LRRK1: variants seen among roughly 807,000 people sequenced by gnomAD.
The protein encoded by LRRK1 is leucine-rich repeat serine/threonine-protein kinase 1.
A neutral mutation model predicts 209.1 loss-of-function variants in LRRK1; 113 were observed. That is an observed-to-expected ratio of 0.54 (90% confidence interval 0.46 to 0.63). The LOEUF is 0.63. LRRK1 is among the 30% of genes least tolerant of loss of function. The pLI, the probability that LRRK1 is intolerant of heterozygous loss-of-function variation, is 0.00. For missense variants in LRRK1, 2,284 were observed against 2,632.2 expected (o/e 0.87, Z 2.89); for synonymous variants, 1,144 against 1,099.7 (o/e 1.04, Z -0.80).
intron 20 of LRRK1, 64 bp downstream of exon 20, chr15:101,029,296 T>G: frequency 6.8e-7 from 1 of 1,477,032 alleles, no homozygotes. Flanking sequence ...AGTTGGGGTC[T>G]GGAGCCACTG....
chr15:101,043,295 C>G (rs1020309991), intron 20 of LRRK1, among the ~76,000 whole-genome samples: 1 of 152,212 alleles, frequency 6.6e-6, no homozygotes, highest in Non-Finnish European at 1.5e-5. Flanking sequence ...CCACCCACCT[C>G]CCACTAGGTA....
At position 101,022,164 on chromosome 15, in the gene LRRK1, C is replaced by A. The variant is rs2033824093; in HGVS notation, c.1852+207C>A. Among the ~76,000 whole-genome samples, 1 of 152,148 alleles carries A rather than the reference C, an allele frequency of 6.6e-6. No homozygotes were observed. Among genetic ancestry groups the A allele is most frequent in the Admixed American group, 6.5e-5 (1 of 15,286 alleles). On this transcript the variant is annotated intron_variant, in intron 14 of 33. Coordinates refer to ENST00000388948, the MANE Select transcript of LRRK1 (RefSeq NM_024652.6). This position sits in a 1 kb window ranked among gnomAD's most constrained non-coding sequence, Gnocchi z 4.0. ...GAAGGACCAGGTGATACAACTGTGA[C>A]CTCCTGGGCAGCAAGGATTTTGTCC...
rs933766267 is a variant in LRRK1 at position 100,929,398 on chromosome 15, A to G, written c.97+4669A>G. 4.6e-5 allele frequency among the ~76,000 whole-genome samples: 7 copies of G among 152,188 alleles called. No individual in the cohort carries two copies. The East Asian group carries it at 7.7e-4, about 17-fold the overall frequency. On this transcript the variant is annotated intron_variant, in intron 2 of 33. Coordinates refer to ENST00000388948, the MANE Select transcript of LRRK1 (RefSeq NM_024652.6). ...ACCAAAGGAGGAGAAGGAACATTCC[A>G]GAAGTTCTTCAAATCCCAGGTTGTT... is the stretch of plus-strand genomic sequence containing the variant.
chr15:101,055,635 A>T (rs759327895), intron 27 of LRRK1, among the ~76,000 whole-genome samples: 3 of 152,196 alleles, frequency 2.0e-5, no homozygotes, highest in Non-Finnish European at 2.9e-5. Context: ...CTTGGCCTTA[A>T]GTCCCGGCCA....
At chr15:100,970,860 C>G (rs2030819656) in intron 2 of LRRK1, among the ~76,000 whole-genome samples, 1 of 152,104 alleles carries the variant, frequency 6.6e-6, no homozygotes. Flanking sequence ...TTTCTCTCAG[C>G]AATGTTTTAT....
Position 100,981,404 on chromosome 15 carries a change from G to A in LRRK1, c.262-2124G>A, listed in dbSNP as rs2031590571. 2.0e-5 allele frequency among the ~76,000 whole-genome samples: 3 copies of A among 152,200 alleles called. No homozygotes were observed. The South Asian group carries it at 6.2e-4, about 32-fold the overall frequency. Reference sequence around the variant, plus strand: ...ACTGGGCCTCACCCTGGGCAGAGTGGCAGGTGGGTGGGCTTTTCTTTTCTG... The same window carrying A: ...ACTGGGCCTCACCCTGGGCAGAGTGACAGGTGGGTGGGCTTTTCTTTTCTG... On this transcript the variant is annotated intron_variant, in intron 3 of 33. Transcript: ENST00000388948.
chr15:101,016,797 A>T (rs1414917759), intron 12 of LRRK1, among the ~76,000 whole-genome samples: 1 of 152,162 alleles, frequency 6.6e-6, no homozygotes, highest in Non-Finnish European at 1.5e-5. Flanking sequence ...TATCTTGCAA[A>T]GCCCACATGG....
intron 6 of LRRK1, among the ~76,000 whole-genome samples, chr15:101,006,408 G>C (rs977097739): frequency 1.3e-5 from 2 of 149,914 alleles, no homozygotes; most frequent in Admixed American, 1.3e-4. Context: ...GGCATTAAAA[G>C]GTGTGAAGAC....
intron 3 of LRRK1, among the ~76,000 whole-genome samples, chr15:100,981,279 G>A (rs1007460489): frequency 2.6e-5 from 4 of 152,124 alleles, no homozygotes; most frequent in South Asian, 2.1e-4. Context: ...GCCTCTAACC[G>A]ACCGAGTCTA....
rs150988498 is a variant in LRRK1, at chr15:100,986,557, G to C, written c.434-2077G>C. Among the ~76,000 whole-genome samples, 31 of 152,360 alleles carry C rather than the reference G, an allele frequency of 2.0e-4. No homozygotes were observed. The East Asian group carries it at 2.7e-3, about 13-fold the overall frequency. On this transcript the variant is annotated intron_variant, in intron 4 of 33. Transcript: ENST00000388948. ...ATGAGTACTCAGACACAGGTGTACG[G>C]TGTAAGAGCAGCTGAGTCACTGCCT...
At chr15:101,061,399 C>CCATTCATAA in intron 30 of LRRK1, 111 bp downstream of exon 30, 1 of 709,418 alleles carries the variant, frequency 1.4e-6, no homozygotes, top group Non-Finnish European at 2.4e-6. Context: ...AGTGAACTTT[C>CCATTCATAA]AGATAACCCC....
In LRRK1 at chr15:101,076,106, C is replaced by G. The variant is rs943686782; in HGVS notation, c.*7258C>G. 1.3e-5 allele frequency: 2 copies of G among 152,178 alleles called. No homozygotes were observed. Among genetic ancestry groups the G allele is most frequent in the Non-Finnish European group, 2.9e-5 (2 of 68,044 alleles). The allele number at this position is 152,178 out of a possible 1,614,324, so 9.4% of individuals were successfully genotyped here. A position where few individuals can be genotyped will look rare whatever the true frequency, so the allele number is the denominator to read the frequency against. On this transcript the variant is annotated 3_prime_UTR_variant, in exon 34 of 34. Transcript: ENST00000388948. ...GGTTAGTGCAGTCAGAATTCTTACA[C>G]AAGAGCCAGGACCGCACCCTGTAGA...
chr15:101,011,995 G>A lies in LRRK1; in HGVS notation c.1282-13G>A, dbSNP rs563789515. ...TAACTAATATACATTTTTTTTTCTC[G>A]TCAATCTCTTAGAAATGTTGTAAAG... is the stretch of plus-strand genomic sequence containing the variant. On this transcript the variant is annotated splice_polypyrimidine_tract_variant and intron_variant, in intron 9 of 33. Transcript: ENST00000388948. 1.5e-4 allele frequency: 230 copies of A among 1,570,230 alleles called. 1 individual carries two copies. Among genetic ancestry groups the A allele is most frequent in the South Asian group, 1.1e-3 (97 of 84,596 alleles).
At chr15:100,999,852 C>G (rs2032605914) in intron 6 of LRRK1, among the ~76,000 whole-genome samples, 1 of 152,214 alleles carries the variant, frequency 6.6e-6, no homozygotes, top group African/African-American at 2.4e-5. Flanking sequence ...CAGATTGTTA[C>G]AACGACTGTT....
In LRRK1 at chr15:101,055,092, G is replaced by C. The variant is rs772400768; in HGVS notation, c.4201G>C (p.Glu1401Gln). 4 of 1,614,140 alleles carry C rather than the reference G, an allele frequency of 2.5e-6. No homozygotes were observed. In the South Asian group the frequency reaches 4.4e-5, roughly 18 times the overall value. ...TCTGGTGTGGTCCCTTGACGTCAAG[G>C]AGCACATCAACATCAAGCTATCTGA... ...NILVWSLDVKEHINIKLSDYG... is the reference protein window; with the variant it reads ...NILVWSLDVKQHINIKLSDYG... The change falls in exon 27 of 34, where the codon GAG becomes CAG. Residue 1401 changes from glutamate (E) to glutamine (Q), a missense_variant. Glu to Gln is a conservative substitution (Grantham distance 29, BLOSUM62 2). Coordinates refer to ENST00000388948, the MANE Select transcript of LRRK1 (RefSeq NM_024652.6).
chr15:100,973,410 C>G (rs2031064605), intron 2 of LRRK1, among the ~76,000 whole-genome samples: 1 of 152,196 alleles, frequency 6.6e-6, no homozygotes, highest in Non-Finnish European at 1.5e-5. Context: ...GGTGGCCTGT[C>G]TTTCCCCCGT....
At chr15:100,956,455 C>CTTTTTTTTTTCTTTTCTT (rs2042762776) in intron 2 of LRRK1, among the ~76,000 whole-genome samples, 13 of 60,524 alleles carry the variant, frequency 2.1e-4, no homozygotes, top group East Asian at 1.9e-3. Context: ...TTTTTTTTTT[C>CTTTTTTTTTTCTTTTCTT]TTTTTTTTTT....
chr15:101,028,099 C>T (rs770438564), intron 19 of LRRK1, among the ~76,000 whole-genome samples: 1 of 131,564 alleles, frequency 7.6e-6, no homozygotes, highest in African/African-American at 2.9e-5. Context: ...CAGTTACAAT[C>T]GATTCTCATT....
chr15:101,065,809 C>A lies in LRRK1; in HGVS notation c.5372C>A (p.Pro1791His). The change falls in exon 32 of 34, where the codon CCC (proline) becomes CAC (histidine). Residue 1791 changes from proline to histidine, a missense_variant. Transcript: ENST00000388948. ...CTCAGGGACATGTTTCCCGTGCGGC[C>A]CTTGGACACGGAACCCCCGGCAGCC... ...SPLRDMFPVR[P>H]LDTEPPAASH... 1 of 1,614,078 alleles carries A rather than the reference C, an allele frequency of 6.2e-7. No homozygotes were observed. Among genetic ancestry groups the A allele is most frequent in the Non-Finnish European group, 8.5e-7 (1 of 1,180,016 alleles).
Sources: allele counts gnomAD v4.1 joint callset (sites outside exome capture counted in the v4.1 genomes callset), GRCh38; gene constraint gnomAD v4.1.1; non-coding constraint Gnocchi (gnomAD v3.1); transcripts MANE v1.5; gene names NCBI Gene and HGNC (gene_info 2026-07-23, HGNC 2026-07-21).